Variants in PARD3B observed in about 807,000 individuals in gnomAD.
PARD3B encodes the protein par-3 family cell polarity regulator beta, also known as partitioning defective 3 homolog B.
A neutral mutation model predicts 130.2 loss-of-function variants in PARD3B; 103 were observed. The observed-to-expected ratio is 0.79, with a 90% CI of 0.67 to 0.93. The LOEUF (loss-of-function observed/expected upper bound fraction) is 0.93. PARD3B is among the 40% of genes least tolerant of loss of function. The probability of loss-of-function intolerance (pLI) is 0.00; values close to 1 mark genes in which losing one functional copy is unlikely to be tolerated. For missense variants in PARD3B, 1,609 were observed against 1,499.2 expected (o/e 1.07, Z -1.21); for synonymous variants, 583 against 553.2 (o/e 1.05, Z -0.76).
chr2:204,750,619 T>TACATACACACAC (rs1429203979), intron 2 of PARD3B, among the ~76,000 whole-genome samples: 2 of 151,562 alleles, frequency 1.3e-5, no homozygotes, highest in Non-Finnish European at 2.9e-5. Flanking sequence ...CATACATACA[T>TACATACACACAC]ACATACATAC....
At position 205,125,562 on chromosome 2, in the gene PARD3B, A is replaced by G; in HGVS notation, c.1306-47A>G. On this transcript the variant is annotated intron_variant, in intron 9 of 22. Transcript: ENST00000406610. The surrounding 1 kb of genome is among the most constrained non-coding windows in gnomAD (Gnocchi z 4.0). ...CAAAAACTATCTAGTGTAGAAGGAGATAACAAGTATTGTGATTGTGGCTGT... is the reference window on the plus strand; with the variant it reads ...CAAAAACTATCTAGTGTAGAAGGAGGTAACAAGTATTGTGATTGTGGCTGT... 1 of 1,596,364 alleles carries G rather than the reference A, an allele frequency of 6.3e-7. No homozygotes were observed. The highest frequency in any genetic ancestry group is 8.6e-7 in the Non-Finnish European group (1 of 1,168,812).
At chr2:205,478,132 C>T (rs760169216) in intron 20 of PARD3B, among the ~76,000 whole-genome samples, 18 of 152,200 alleles carry the variant, frequency 1.2e-4, no homozygotes, top group Admixed American at 1.0e-3. Context: ...TATTAATTCA[C>T]GTGCAATGAA....
At chr2:204,627,142 G>A (rs191450056) in intron 1 of PARD3B, among the ~76,000 whole-genome samples, 29 of 152,082 alleles carry the variant, frequency 1.9e-4, no homozygotes, top group African/African-American at 5.1e-4. Context: ...TTTGCCTTCC[G>A]CCATGATTGT....
chr2:204,729,117 TTC>T (rs1433748054), intron 2 of PARD3B, among the ~76,000 whole-genome samples: 1 of 152,190 alleles, frequency 6.6e-6, no homozygotes. Context: ...CCTTTGAATA[TTC>T]TCTGTTGATA....
chr2:204,885,705 A>C (rs1250851035), intron 2 of PARD3B, among the ~76,000 whole-genome samples: 2 of 152,200 alleles, frequency 1.3e-5, no homozygotes, highest in Non-Finnish European at 2.9e-5. Flanking sequence ...GAGCCTGATT[A>C]GTTATTATAC....
intron 15 of PARD3B, among the ~76,000 whole-genome samples, chr2:205,228,656 C>T (rs919132070): frequency 3.0e-4 from 45 of 152,250 alleles, no homozygotes; most frequent in African/African-American, 1.1e-3. Flanking sequence ...GTTACGATCC[C>T]TTTGAGTAAA....
chr2:205,370,673 G>A (rs1469739579), intron 18 of PARD3B, among the ~76,000 whole-genome samples: 2 of 152,206 alleles, frequency 1.3e-5, no homozygotes, highest in African/African-American at 4.8e-5. Flanking sequence ...TGCAGTAGAG[G>A]GGAACCTATA....
intron 14 of PARD3B, among the ~76,000 whole-genome samples, chr2:205,190,942 A>G (rs563507811): frequency 3.3e-5 from 5 of 152,150 alleles, no homozygotes; most frequent in Non-Finnish European, 7.4e-5. Context: ...GCTAGTGTCA[A>G]TAACACTAAG....
At chr2:205,607,879 C>G (rs1329771983) in intron 22 of PARD3B, among the ~76,000 whole-genome samples, 6 of 147,536 alleles carry the variant, frequency 4.1e-5, no homozygotes, top group African/African-American at 1.0e-4. Flanking sequence ...CACACACACA[C>G]AGAGGCATGA....
Position 205,397,930 on chromosome 2 carries a change from T to G in PARD3B, c.2631-3083T>G, listed in dbSNP as rs1406809423. 6.6e-6 allele frequency among the ~76,000 whole-genome samples: 1 copy of G among 152,120 alleles called. No homozygotes were observed. The highest frequency in any genetic ancestry group is 2.4e-5 in the African/African-American group (1 of 41,410). ...GCTAAAGAATGTATTCATGAAAACA[T>G]TATTTAGCTATCTCCTGCTTTGTAG... On this transcript the variant is annotated intron_variant, in intron 18 of 22. Transcript: ENST00000406610. This position sits in a 1 kb window ranked among gnomAD's most constrained non-coding sequence, Gnocchi z 4.8.
chr2:204,548,908 T>C (rs1195492102), intron 1 of PARD3B, among the ~76,000 whole-genome samples: 2 of 152,158 alleles, frequency 1.3e-5, no homozygotes, highest in Non-Finnish European at 2.9e-5. Context: ...GTAAAGTAAG[T>C]CCATTATTTT....
At chr2:205,493,551 C>T (rs1281506635) in intron 20 of PARD3B, among the ~76,000 whole-genome samples, 1 of 151,876 alleles carries the variant, frequency 6.6e-6, no homozygotes, top group African/African-American at 2.4e-5. Context: ...AAATTAAAGA[C>T]TCTGTAAAAC....
chr2:205,149,297 C>T (rs1471932883), intron 10 of PARD3B, among the ~76,000 whole-genome samples: 4 of 152,140 alleles, frequency 2.6e-5, no homozygotes, highest in Non-Finnish European at 4.4e-5. Flanking sequence ...AGGCTGGTCT[C>T]AAACTCCTGA....
intron 2 of PARD3B, among the ~76,000 whole-genome samples, chr2:204,737,090 C>G (rs1457305778): frequency 2.0e-5 from 3 of 151,964 alleles, no homozygotes; most frequent in Non-Finnish European, 4.4e-5. Context: ...GGAATTACAG[C>G]TATGGAATTA....
chr2:205,160,524 A>G lies in PARD3B; in HGVS notation c.1620+1617A>G, dbSNP rs1430115625. 6.6e-6 allele frequency among the ~76,000 whole-genome samples: 1 copy of G among 152,220 alleles called. No individual in the cohort carries two copies. The highest frequency in any genetic ancestry group is 2.4e-5 in the African/African-American group (1 of 41,452). The stretch of plus-strand genomic sequence containing the variant: ...ATGGCTGAGTCCAAGGTTGAGCAGT[A>G]GAAAACACACTCCAGCCACGATGAA... On this transcript the variant is annotated intron_variant, in intron 11 of 22. Transcript: ENST00000406610. The surrounding 1 kb of genome is among the most constrained non-coding windows in gnomAD (Gnocchi z 4.0).
intron 19 of PARD3B, among the ~76,000 whole-genome samples, chr2:205,436,279 G>A (rs542228500): frequency 3.3e-5 from 5 of 152,116 alleles, no homozygotes; most frequent in East Asian, 1.9e-4. Context: ...CATTACCGCC[G>A]TAGCAACCAT....
rs111258737 is a variant in PARD3B at position 205,137,335 on chromosome 2, C to T, written c.1434+11598C>T. On this transcript the variant is annotated intron_variant, in intron 10 of 22. Transcript: ENST00000406610. ...AGAAATATGGACAAATAATGAATAA[C>T]GAACATCTTTCCGAAGGCAGGAAAG... Among the ~76,000 whole-genome samples the T allele has an allele frequency of 2.2e-3, 332 of 152,000 alleles. 2 individuals are homozygous for T. The highest frequency in any genetic ancestry group is 7.3e-3 in the African/African-American group (303 of 41,468).
intron 18 of PARD3B, among the ~76,000 whole-genome samples, chr2:205,332,921 T>A (rs1206444922): frequency 6.6e-6 from 1 of 152,218 alleles, no homozygotes; most frequent in East Asian, 1.9e-4. Flanking sequence ...ATTAGTGAGG[T>A]TAGTGATTCA....
At chr2:204,998,337 T>TACATATATATATATATATAC (rs58418098) in intron 3 of PARD3B, among the ~76,000 whole-genome samples, 23 of 42,360 alleles carry the variant, frequency 5.4e-4, no homozygotes, top group Non-Finnish European at 1.1e-3. Flanking sequence ...TATATATATA[T>TACATATATATATATATATAC]ATATATATAT....
Sources: gnomAD v4.1 joint callset for allele counts (sites outside exome capture counted in the v4.1 genomes callset) on GRCh38, gnomAD v4.1.1 for gene constraint, Gnocchi (gnomAD v3.1) non-coding constraint, MANE v1.5 for transcripts, NCBI Gene and HGNC (gene_info 2026-07-23, HGNC 2026-07-21) for gene names.